TM9SF4: variants seen among roughly 807,000 people sequenced by gnomAD.
TM9SF4 encodes transmembrane 9 superfamily member 4, also known as dinucleotide oxidase disulfide thiol exchanger 3 superfamily member 4.
In TM9SF4, 26 loss-of-function variants were observed where a neutral mutation model predicts 90.4. That is an observed-to-expected ratio of 0.29 (90% CI 0.21 to 0.40). The LOEUF is 0.40. TM9SF4 is among the 10% of genes least tolerant of loss of function. The pLI is 1.00. For synonymous variants in TM9SF4, 293 were observed against 315.4 expected (o/e 0.93, Z 0.75); for missense variants, 549 against 834.8 (o/e 0.66, Z 4.22).
intron 1 of TM9SF4, among the ~76,000 whole-genome samples, chr20:32,122,146 G>A (rs1380191474): frequency 5.0e-5 from 7 of 140,184 alleles, no homozygotes; most frequent in East Asian, 4.3e-4. Flanking sequence ...GCAGCTGGCC[G>A]GGCGGGGGGG....
At chr20:32,157,301 C>T (rs2046940343) in intron 13 of TM9SF4, among the ~76,000 whole-genome samples, 2 of 152,152 alleles carry the variant, frequency 1.3e-5, no homozygotes, top group African/African-American at 2.4e-5. Context: ...AGATGCAGAA[C>T]CCATGGATAC....
intron 8 of TM9SF4, 58 bp downstream of exon 8, chr20:32,145,481 C>A: frequency 6.8e-7 from 1 of 1,469,142 alleles, no homozygotes; most frequent in Non-Finnish European, 9.5e-7. Flanking sequence ...GGGACTGAGA[C>A]ATCACATCAT....
chr20:32,134,993 G>C (rs533257907), intron 2 of TM9SF4, among the ~76,000 whole-genome samples: 1 of 152,278 alleles, frequency 6.6e-6, no homozygotes, highest in Admixed American at 6.5e-5. Flanking sequence ...GTTGAAAAAA[G>C]ATTGTAGACC....
chr20:32,141,451 A>G lies in TM9SF4; in HGVS notation c.230-46A>G, dbSNP rs2046676785. 3 of 1,603,212 alleles carry G rather than the reference A, an allele frequency of 1.9e-6. No individual in the cohort carries two copies. In the Admixed American group the frequency reaches 5.0e-5, roughly 27 times the overall value. ...CTCTGTGACTCTGCTGACCTCAGCAACCTCAGGGCTGAAGCTCTGAGCTTG... is the reference window on the plus strand; with the variant it reads ...CTCTGTGACTCTGCTGACCTCAGCAGCCTCAGGGCTGAAGCTCTGAGCTTG... On this transcript the variant is annotated intron_variant, in intron 3 of 17. Coordinates refer to ENST00000398022, the MANE Select transcript of TM9SF4 (RefSeq NM_014742.4).
intron 3 of TM9SF4, 146 bp from the exon 4 acceptor site, chr20:32,141,351 G>A: frequency 1.1e-6 from 1 of 938,210 alleles, no homozygotes; most frequent in Middle Eastern, 3.3e-4. Flanking sequence ...GTGAAGCAAT[G>A]GGAAGGGCAT....
At chr20:32,139,342 C>T (rs1290289340) in intron 3 of TM9SF4, among the ~76,000 whole-genome samples, 1 of 152,222 alleles carries the variant, frequency 6.6e-6, no homozygotes, top group Non-Finnish European at 1.5e-5. Context: ...TGCTGTTCTT[C>T]CTATTTTCCC....
At chr20:32,146,075 C>T (rs915008147) in intron 8 of TM9SF4, among the ~76,000 whole-genome samples, 1 of 152,176 alleles carries the variant, frequency 6.6e-6, no homozygotes, top group Non-Finnish European at 1.5e-5. Context: ...ATGAGAAGCA[C>T]AGATAATGCT....
intron 1 of TM9SF4, among the ~76,000 whole-genome samples, chr20:32,132,176 G>A (rs767061413): frequency 6.6e-6 from 1 of 152,102 alleles, no homozygotes; most frequent in African/African-American, 2.4e-5. Context: ...GGCCGAGGTG[G>A]GCAGATCACC....
intron 13 of TM9SF4, among the ~76,000 whole-genome samples, chr20:32,157,581 T>A (rs2046946545): frequency 6.6e-6 from 1 of 152,212 alleles, no homozygotes; most frequent in Non-Finnish European, 1.5e-5. Flanking sequence ...TCCTCTGGGA[T>A]GCTGAGGTGC....
chr20:32,126,170 A>G (rs989986744), intron 1 of TM9SF4, among the ~76,000 whole-genome samples: 2 of 151,774 alleles, frequency 1.3e-5, no homozygotes, highest in Non-Finnish European at 2.9e-5. Context: ...AAAATTCCTG[A>G]GTCTCCTCAC....
At chr20:32,117,223 C>CAAAA (rs34453961) in intron 1 of TM9SF4, among the ~76,000 whole-genome samples, 3 of 68,244 alleles carry the variant, frequency 4.4e-5, no homozygotes, top group Non-Finnish European at 8.3e-5. Context: ...GACTCTGTCT[C>CAAAA]AAAAAAAAAA....
In TM9SF4 at chr20:32,142,970, G is replaced by T; in HGVS notation, c.529-12G>T. 1 of 1,612,238 alleles carries T rather than the reference G, an allele frequency of 6.2e-7. No homozygotes were observed. The highest frequency in any genetic ancestry group is 8.5e-7 in the Non-Finnish European group (1 of 1,178,894). On this transcript the variant is annotated splice_polypyrimidine_tract_variant and intron_variant, in intron 5 of 17. Coordinates refer to ENST00000398022, the MANE Select transcript of TM9SF4 (RefSeq NM_014742.4). ...GATGTTCTGTTGTGCTTTCTCTGTT[G>T]CTGTGTTTCAGATCTACCTGCACAA...
intron 13 of TM9SF4, among the ~76,000 whole-genome samples, chr20:32,156,942 C>CTTTTTTTTTTT (rs71185385): frequency 0.05 from 5,131 of 103,164 alleles, 917 homozygotes; most frequent in African/African-American, 0.19. Context: ...TGGACATTTT[C>CTTTTTTTTTTT]TTTTTTTTTT....
chr20:32,117,737 G>T (rs1481780095), intron 1 of TM9SF4, among the ~76,000 whole-genome samples: 1 of 151,580 alleles, frequency 6.6e-6, no homozygotes, highest in Non-Finnish European at 1.5e-5. Flanking sequence ...GCCAGTGATG[G>T]CGTGTTAGAT....
chr20:32,129,671 G>A (rs1362919233), intron 1 of TM9SF4, among the ~76,000 whole-genome samples: 6 of 145,334 alleles, frequency 4.1e-5, no homozygotes, highest in African/African-American at 1.3e-4. Context: ...TGCAACTTCC[G>A]CCTCCCGGGT....
At chr20:32,116,231 A>C (rs2046221070) in intron 1 of TM9SF4, 1 of 152,194 alleles carries the variant, frequency 6.6e-6, no homozygotes, top group Non-Finnish European at 1.5e-5. Context: ...CATTTTTGAA[A>C]CAAGGATGAT....
At chr20:32,161,657 G>T (rs756027551) in intron 17 of TM9SF4, among the ~76,000 whole-genome samples, 81 of 152,182 alleles carry the variant, frequency 5.3e-4, no homozygotes, top group Admixed American at 3.2e-3. Context: ...AAAGCAATAT[G>T]TCACCTGCAG....
intron 12 of TM9SF4, 49 bp from the exon 13 acceptor site, chr20:32,155,054 A>G: frequency 6.6e-7 from 1 of 1,506,616 alleles, no homozygotes; most frequent in Admixed American, 1.7e-5. Context: ...CGGGACAGGT[A>G]GGGGAGGTCC....
chr20:32,150,480 A>C (rs2046826226), intron 10 of TM9SF4, 142 bp from the exon 11 acceptor site: 1 of 902,016 alleles, frequency 1.1e-6, no homozygotes, highest in Non-Finnish European at 1.7e-6. Context: ...GCTGTTGAGA[A>C]GACAAGGGAG....
Sources: gnomAD v4.1 joint callset for allele counts (sites outside exome capture counted in the v4.1 genomes callset) on GRCh38, gnomAD v4.1.1 for gene constraint, MANE v1.5 for transcripts, NCBI Gene and HGNC (gene_info 2026-07-23, HGNC 2026-07-21) for gene names.